The following MEIKIN variants were observed in gnomAD, a reference collection of about 807,000 sequenced individuals.
The protein encoded by MEIKIN is meiosis-specific kinetochore protein.
chr5:131,846,575 C>G (rs1053836743), intron 11 of MEIKIN, among the ~76,000 whole-genome samples: 2 of 152,124 alleles, frequency 1.3e-5, no homozygotes, highest in Admixed American at 1.3e-4. Context: ...GTGGCTGACA[C>G]CTGTAATCTC....
chr5:131,856,658 T>C (rs1750197018), intron 9 of MEIKIN, among the ~76,000 whole-genome samples: 1 of 152,210 alleles, frequency 6.6e-6, no homozygotes, highest in Non-Finnish European at 1.5e-5. Flanking sequence ...CTCTTTATAC[T>C]GTCTGAGTAT....
chr5:131,943,712 A>G (rs1056156629), intron 3 of MEIKIN, among the ~76,000 whole-genome samples: 2 of 152,182 alleles, frequency 1.3e-5, no homozygotes, highest in African/African-American at 4.8e-5. Context: ...TAAATACTCT[A>G]CAAGGACTAC....
At chr5:131,837,819 A>G (rs1749836142) in intron 11 of MEIKIN, among the ~76,000 whole-genome samples, 1 of 152,052 alleles carries the variant, frequency 6.6e-6, no homozygotes, top group Non-Finnish European at 1.5e-5. Flanking sequence ...ATAGTTTAAC[A>G]TCCTGTCTTC....
At position 131,807,000 on chromosome 5, in the gene MEIKIN, T is replaced by C. The variant is rs1169138536; in HGVS notation, c.*236A>G. ...TTCTAATACCAATGATTTGGTTCTTTATCTTTTAATATAAATACATATATT... is the reference window on the plus strand; with the variant it reads ...TTCTAATACCAATGATTTGGTTCTTCATCTTTTAATATAAATACATATATT... On this transcript the variant is annotated 3_prime_UTR_variant, in exon 13 of 13. Coordinates refer to ENST00000442687, the MANE Select transcript of MEIKIN (RefSeq NM_001303622.2). 2.7e-5 allele frequency: 9 copies of C among 332,672 alleles called. No homozygotes were observed. The highest frequency in any genetic ancestry group is 4.3e-5 in the Non-Finnish European group (8 of 186,320). 20.6% of individuals were successfully genotyped at this position (332,672 alleles called of 1,614,324 possible).
At chr5:131,818,447 G>GTC (rs2061106441) in intron 12 of MEIKIN, among the ~76,000 whole-genome samples, 1 of 151,886 alleles carries the variant, frequency 6.6e-6, no homozygotes, top group African/African-American at 2.4e-5. Flanking sequence ...AAGAGACAGG[G>GTC]TCTCTCTCTG....
At chr5:131,899,542 TAAAAAAAAAA>T (rs398065218) in intron 8 of MEIKIN, among the ~76,000 whole-genome samples, 1 of 125,432 alleles carries the variant, frequency 8.0e-6, no homozygotes, top group Non-Finnish European at 1.7e-5. Flanking sequence ...TGAATGGATT[TAAAAAAAAAA>T]AAAAAAAAAC....
chr5:131,819,453 A>AC (rs1749439999), intron 11 of MEIKIN, among the ~76,000 whole-genome samples: 1 of 978 alleles, frequency 1.0e-3, no homozygotes, highest in Non-Finnish European at 2.4e-3. Context: ...GAGGAGGGAC[A>AC]GGGGGAGGGA....
chr5:131,816,999 T>G (rs1272594731), intron 12 of MEIKIN, among the ~76,000 whole-genome samples: 1 of 152,132 alleles, frequency 6.6e-6, no homozygotes, highest in Non-Finnish European at 1.5e-5. Context: ...ATCAGTGGAC[T>G]GAATAAAGAA....
At chr5:131,900,231 C>T (rs544394496) in intron 8 of MEIKIN, among the ~76,000 whole-genome samples, 7 of 152,300 alleles carry the variant, frequency 4.6e-5, no homozygotes, top group South Asian at 2.1e-4. Flanking sequence ...GAACATCTGT[C>T]GCTGAGGGAA....
intron 9 of MEIKIN, among the ~76,000 whole-genome samples, chr5:131,870,215 A>G (rs1385889955): frequency 6.6e-6 from 1 of 152,220 alleles, no homozygotes; most frequent in East Asian, 1.9e-4. Flanking sequence ...ATAATAATTA[A>G]TATTTTTAAT....
intron 8 of MEIKIN, among the ~76,000 whole-genome samples, chr5:131,890,233 T>C (rs575190667): frequency 6.6e-6 from 1 of 152,316 alleles, no homozygotes; most frequent in East Asian, 1.9e-4. Flanking sequence ...TTAGGGAGGA[T>C]TCCCTCTTTT....
intron 7 of MEIKIN, among the ~76,000 whole-genome samples, chr5:131,912,554 G>A (rs955837863): frequency 2.6e-5 from 4 of 152,040 alleles, no homozygotes; most frequent in African/African-American, 9.7e-5. Flanking sequence ...AGAAAATGCA[G>A]TTGAAAACCA....
intron 4 of MEIKIN, among the ~76,000 whole-genome samples, chr5:131,940,376 C>G (rs1030493852): frequency 2.0e-5 from 3 of 152,048 alleles, no homozygotes; most frequent in Admixed American, 6.5e-5. Context: ...TATTAGACTC[C>G]TCGGTTAAGT....
intron 5 of MEIKIN, among the ~76,000 whole-genome samples, chr5:131,928,590 C>T (rs1044593976): frequency 6.6e-6 from 1 of 152,154 alleles, no homozygotes; most frequent in Non-Finnish European, 1.5e-5. Context: ...GTATTATTAA[C>T]ATCTTCAGTT....
intron 9 of MEIKIN, among the ~76,000 whole-genome samples, chr5:131,857,275 C>T (rs1468126298): frequency 6.6e-6 from 1 of 152,106 alleles, no homozygotes; most frequent in Non-Finnish European, 1.5e-5. Context: ...AAGATTTAAA[C>T]TTAGAAATAA....
chr5:131,839,142 T>C (rs940803868), intron 11 of MEIKIN, among the ~76,000 whole-genome samples: 9 of 152,366 alleles, frequency 5.9e-5, no homozygotes, highest in Non-Finnish European at 8.8e-5. Flanking sequence ...GTTATTCAAT[T>C]CCATGTAATT....
chr5:131,866,427 C>T (rs1363624361), intron 9 of MEIKIN, among the ~76,000 whole-genome samples: 1 of 152,166 alleles, frequency 6.6e-6, no homozygotes, highest in Non-Finnish European at 1.5e-5. Flanking sequence ...CGGTGGCATG[C>T]AGGGGCAGAA....
At chr5:131,887,309 ATG>A (rs1400379028) in intron 8 of MEIKIN, among the ~76,000 whole-genome samples, 3 of 152,072 alleles carry the variant, frequency 2.0e-5, no homozygotes, top group Non-Finnish European at 4.4e-5. Context: ...ATATGTGTGC[ATG>A]TGTCTTTATA....
chr5:131,811,700 G>A (rs1458033960), intron 12 of MEIKIN, among the ~76,000 whole-genome samples: 1 of 151,930 alleles, frequency 6.6e-6, no homozygotes, highest in African/African-American at 2.4e-5. Flanking sequence ...TCTGCCTCCC[G>A]GGTTCATGCC....
Sources: allele counts gnomAD v4.1 joint callset (sites outside exome capture counted in the v4.1 genomes callset), GRCh38; gene constraint gnomAD v4.1.1; transcripts MANE v1.5; gene names NCBI Gene and HGNC (gene_info 2026-07-23, HGNC 2026-07-21).